Variants in RYR3 observed in about 807,000 individuals in gnomAD.
RYR3 encodes the protein ryanodine receptor 3.
Under a neutral mutation model 584.3 loss-of-function variants are expected in RYR3, and 207 were observed. The observed-to-expected ratio is 0.35, with a 90% CI of 0.32 to 0.40. The LOEUF is 0.40. Among genes scored for constraint, RYR3 ranks in the 10% least tolerant of loss-of-function variants. RYR3 has a pLI of 1.00. For missense variants in RYR3, 5,616 were observed against 6,089.2 expected, an observed-to-expected ratio of 0.92 and a Z score of 2.59; for synonymous variants, 2,416 against 2,248.5, an observed-to-expected ratio of 1.07 and a Z score of -2.11.
intron 24 of RYR3, 34 bp downstream of exon 24, chr15:33,633,142 T>G (rs1373417944): frequency 6.2e-7 from 1 of 1,605,644 alleles, no homozygotes. Flanking sequence ...GCTGGAAAAC[T>G]TAGAAGATAT....
At chr15:33,691,800 G>C (rs1025813643) in intron 38 of RYR3, among the ~76,000 whole-genome samples, 1 of 152,172 alleles carries the variant, frequency 6.6e-6, no homozygotes, top group African/African-American at 2.4e-5. Flanking sequence ...ACATCCTTCT[G>C]TGAAACGCAT....
At chr15:33,599,925 A>T (rs2059578077) in intron 16 of RYR3, among the ~76,000 whole-genome samples, 1 of 152,134 alleles carries the variant, frequency 6.6e-6, no homozygotes. Context: ...CTGTATGTGG[A>T]TTAAGCCCTG....
intron 8 of RYR3, among the ~76,000 whole-genome samples, chr15:33,544,587 T>C (rs1436142320): frequency 6.6e-6 from 1 of 152,186 alleles, no homozygotes; most frequent in Non-Finnish European, 1.5e-5. Flanking sequence ...AAGCCAGAGC[T>C]GCTGACTCTC....
rs141877455 is a variant in RYR3, at chr15:33,568,705, A to G, written c.1268+1906A>G. 2.4e-3 allele frequency among the ~76,000 whole-genome samples: 366 copies of G among 152,322 alleles called. 3 individuals are homozygous for G. The highest frequency in any genetic ancestry group is 2.7e-3 in the Non-Finnish European group (184 of 68,030). On this transcript the variant is annotated intron_variant, in intron 12 of 103. Coordinates refer to ENST00000634891, the MANE Select transcript of RYR3 (RefSeq NM_001036.6). ...CTCAGCCTCCCAAAATGTTGGCATT[A>G]TAGGCATGAGCCACCATCCCTGGCC...
At chr15:33,681,599 T>A (rs1423779793) in intron 38 of RYR3, among the ~76,000 whole-genome samples, 4 of 152,222 alleles carry the variant, frequency 2.6e-5, no homozygotes, top group Non-Finnish European at 5.9e-5. Flanking sequence ...TTCAAAATTA[T>A]CTACCACCTG....
In RYR3 at chr15:33,598,764, T is replaced by A. The variant is rs369616160; in HGVS notation, c.1789-2655T>A. On this transcript the variant is annotated intron_variant, in intron 16 of 103. Coordinates refer to ENST00000634891, the MANE Select transcript of RYR3 (RefSeq NM_001036.6). ...AAGCAAGTAAAACTAAAAAAAAAAA[T>A]AGGAGTTGGCTGGGTGCAGTGGCTC... Among the ~76,000 whole-genome samples the A allele has an allele frequency of 1.2e-3, 58 of 49,516 alleles. No homozygotes were observed. In the East Asian group the frequency reaches 0.018, roughly 15 times the overall value. 32.5% of individuals were successfully genotyped at this position (49,516 alleles called of 152,430 possible).
At chr15:33,864,044 C>G (rs1461075795) in intron 102 of RYR3, 94 bp from the exon 103 acceptor site, 1 of 872,660 alleles carries the variant, frequency 1.1e-6, no homozygotes, top group East Asian at 2.6e-5. Context: ...AGCGTGGGAC[C>G]AACTAGCCTT....
chr15:33,647,728 A>C (rs1306078303), intron 30 of RYR3, among the ~76,000 whole-genome samples: 1 of 152,196 alleles, frequency 6.6e-6, no homozygotes, highest in Non-Finnish European at 1.5e-5. Flanking sequence ...TCAGGGATCC[A>C]ACACTGCCTT....
chr15:33,638,436 C>G (rs1394245842), intron 27 of RYR3, among the ~76,000 whole-genome samples: 1 of 152,216 alleles, frequency 6.6e-6, no homozygotes, highest in Non-Finnish European at 1.5e-5. Context: ...CCAGGCCCTG[C>G]TATTGTGTGA....
intron 67 of RYR3, among the ~76,000 whole-genome samples, chr15:33,788,790 C>A (rs2074906606): frequency 6.6e-6 from 1 of 152,188 alleles, no homozygotes; most frequent in Admixed American, 6.5e-5. Flanking sequence ...ACCAATACTG[C>A]CTGACTGTGT....
intron 2 of RYR3, among the ~76,000 whole-genome samples, chr15:33,474,708 A>G (rs2142246008): frequency 6.6e-6 from 1 of 152,348 alleles, no homozygotes; most frequent in South Asian, 2.1e-4. Flanking sequence ...AACCGAAAAC[A>G]AAAATCAGAA....
intron 1 of RYR3, among the ~76,000 whole-genome samples, chr15:33,360,064 C>T (rs1193645552): frequency 6.6e-6 from 1 of 152,160 alleles, no homozygotes; most frequent in Non-Finnish European, 1.5e-5. Context: ...GTAAGTTTCA[C>T]AAGTTCCGGG....
chr15:33,339,981 C>T (rs929157867), intron 1 of RYR3, among the ~76,000 whole-genome samples: 3 of 152,006 alleles, frequency 2.0e-5, no homozygotes, highest in African/African-American at 7.2e-5. Context: ...AGGAAGATGA[C>T]AGATTGAGCT....
rs375416853 is a variant in RYR3 at position 33,505,714 on chromosome 15, G to C, written c.279+1976G>C. On this transcript the variant is annotated intron_variant, in intron 3 of 103. Coordinates refer to ENST00000634891, the MANE Select transcript of RYR3 (RefSeq NM_001036.6). ...TCACCGTGTTAGCCAGGATGGTCTT[G>C]ATCTCCTGACCTCGTGATCTGCCCA... Among the ~76,000 whole-genome samples, 13 of 152,270 alleles carry C rather than the reference G, an allele frequency of 8.5e-5. No homozygotes were observed. In the South Asian group the frequency reaches 1.7e-3, roughly 19 times the overall value.
At chr15:33,442,044 A>G (rs1280070850) in intron 1 of RYR3, among the ~76,000 whole-genome samples, 1 of 152,212 alleles carries the variant, frequency 6.6e-6, no homozygotes, top group Non-Finnish European at 1.5e-5. Flanking sequence ...TCCGTTACCT[A>G]TAAGATGAAG....
chr15:33,755,997 C>T (rs1484409461), intron 58 of RYR3, among the ~76,000 whole-genome samples: 1 of 152,184 alleles, frequency 6.6e-6, no homozygotes, highest in Non-Finnish European at 1.5e-5. Context: ...TGGTGTCGAA[C>T]TCCTGACCTC....
intron 1 of RYR3, among the ~76,000 whole-genome samples, chr15:33,330,939 C>G (rs1448798312): frequency 6.6e-6 from 1 of 152,168 alleles, no homozygotes; most frequent in Non-Finnish European, 1.5e-5. Flanking sequence ...TGGTCTATTA[C>G]TCATTCATCT....
chr15:33,411,990 A>G (rs1310660380), intron 1 of RYR3, among the ~76,000 whole-genome samples: 3 of 152,204 alleles, frequency 2.0e-5, no homozygotes, highest in African/African-American at 7.2e-5. Flanking sequence ...AATTTGTCAC[A>G]GTTGTCTGTC....
At chr15:33,828,139 A>G (rs1212505003) in intron 85 of RYR3, among the ~76,000 whole-genome samples, 3 of 152,164 alleles carry the variant, frequency 2.0e-5, no homozygotes, top group East Asian at 3.8e-4. Flanking sequence ...GTGATCTTCG[A>G]TGTTACTATT....
Sources: gnomAD v4.1 joint callset for allele counts (sites outside exome capture counted in the v4.1 genomes callset) on GRCh38, gnomAD v4.1.1 for gene constraint, MANE v1.5 for transcripts, NCBI Gene and HGNC (gene_info 2026-07-23, HGNC 2026-07-21) for gene names.